The following CPAMD8 variants were observed in gnomAD, a reference collection of about 807,000 sequenced individuals.
CPAMD8 encodes C3 and PZP-like alpha-2-macroglobulin domain-containing protein 8.
A neutral mutation model predicts 224.7 loss-of-function variants in CPAMD8; 146 were observed. The observed-to-expected ratio is 0.65, with a 90% CI of 0.57 to 0.75. CPAMD8 has a LOEUF of 0.75. CPAMD8 is among the 30% of genes least tolerant of loss of function. CPAMD8 has a pLI of 0.00. For missense variants in CPAMD8, 2,301 were observed against 2,537.5 expected (o/e 0.91, Z 2.00); for synonymous variants, 966 against 1,044.6 (o/e 0.92, Z 1.45).
chr19:17,018,089 T>C (rs1342630719), intron 3 of CPAMD8, among the ~76,000 whole-genome samples: 1 of 150,656 alleles, frequency 6.6e-6, no homozygotes, highest in Non-Finnish European at 1.5e-5. Flanking sequence ...TAGGCACTAG[T>C]GGTATACCTC....
chr19:16,961,202 G>A (rs1219586294), intron 18 of CPAMD8, among the ~76,000 whole-genome samples: 1 of 152,224 alleles, frequency 6.6e-6, no homozygotes, highest in African/African-American at 2.4e-5. Flanking sequence ...AGCCGCAGTA[G>A]GGCGGGGTGT....
At chr19:16,962,989 T>A (rs961258469) in intron 18 of CPAMD8, among the ~76,000 whole-genome samples, 2 of 152,152 alleles carry the variant, frequency 1.3e-5, no homozygotes, top group African/African-American at 4.8e-5. Flanking sequence ...GACAAGCAAA[T>A]GCTGAGAGAT....
At chr19:16,911,424 C>T (rs974184370) in intron 29 of CPAMD8, among the ~76,000 whole-genome samples, 8 of 151,636 alleles carry the variant, frequency 5.3e-5, no homozygotes, top group South Asian at 2.1e-4. Flanking sequence ...TGCAGTGGCA[C>T]GAGCTTGGCT....
rs780228887 is a variant in CPAMD8 at position 16,904,291 on chromosome 19, C to T, written c.4186G>A (p.Ala1396Thr). 23 of 1,612,784 alleles carry T rather than the reference C, an allele frequency of 1.4e-5. No homozygotes were observed. The highest frequency in any genetic ancestry group is 1.6e-4 in the Middle Eastern group (1 of 6,082). Residue 1396 changes from alanine to threonine, a missense_variant, in exon 32 of 42, where the codon GCC becomes ACC. Ala to Thr is a moderately conservative substitution (Grantham distance 58, BLOSUM62 0). Coordinates refer to ENST00000443236, the MANE Select transcript of CPAMD8 (RefSeq NM_015692.5). ...GACAGCCACTTCACCACAGGCAGGG[C>T]GGCAGCCACGTCACCCAGCAGAGTG... ...TYTLLGDVAA[A>T]LPVVKWLSQQ...
chr19:16,915,501 A>C (rs777368612), intron 27 of CPAMD8, among the ~76,000 whole-genome samples: 3 of 152,184 alleles, frequency 2.0e-5, no homozygotes, highest in Non-Finnish European at 2.9e-5. Flanking sequence ...ATTGCTCTCC[A>C]GCCCGTTTTC....
Position 16,945,866 on chromosome 19 carries a change from T to C in CPAMD8, c.2663-187A>G, listed in dbSNP as rs8105356. On this transcript the variant is annotated intron_variant, in intron 21 of 41. Coordinates refer to ENST00000443236, the MANE Select transcript of CPAMD8 (RefSeq NM_015692.5). ...CTGCACATGTATGCATGTGTTTGAATGTACAGGCTCATGTGTGCATATGCA... is the reference window on the plus strand; with the variant it reads ...CTGCACATGTATGCATGTGTTTGAACGTACAGGCTCATGTGTGCATATGCA... 0.47 allele frequency among the ~76,000 whole-genome samples: 71,853 copies of C among 151,958 alleles called. 17,710 individuals carry two copies. Among genetic ancestry groups the C allele is most frequent in the African/African-American group, 0.61 (25,451 of 41,394 alleles).
intron 22 of CPAMD8, among the ~76,000 whole-genome samples, chr19:16,943,414 C>A (rs1017735876): frequency 6.6e-6 from 1 of 151,230 alleles, no homozygotes; most frequent in African/African-American, 2.4e-5. Context: ...TTCATTCATT[C>A]ATTCATTTAG....
intron 18 of CPAMD8, among the ~76,000 whole-genome samples, chr19:16,967,008 T>C (rs2054849740): frequency 6.6e-6 from 1 of 152,168 alleles, no homozygotes; most frequent in African/African-American, 2.4e-5. Flanking sequence ...CAAAGGATTA[T>C]AAATTATGCT....
intron 5 of CPAMD8, among the ~76,000 whole-genome samples, chr19:17,010,084 A>G (rs1441885085): frequency 6.6e-6 from 1 of 152,240 alleles, no homozygotes; most frequent in Non-Finnish European, 1.5e-5. Flanking sequence ...ACCAAGAGAC[A>G]TGATGATCAA....
chr19:16,956,171 C>A (rs1468004338), intron 19 of CPAMD8, among the ~76,000 whole-genome samples: 1 of 152,132 alleles, frequency 6.6e-6, no homozygotes, highest in Non-Finnish European at 1.5e-5. Context: ...ACCCCCACAG[C>A]CCACATGGTC....
chr19:16,903,687 C>A lies in CPAMD8; in HGVS notation c.4407+15G>T. On this transcript the variant is annotated intron_variant, in intron 33 of 41. Coordinates refer to ENST00000443236, the MANE Select transcript of CPAMD8 (RefSeq NM_015692.5). ...CCTCCAACAACCCCCAAACCCTCAT[C>A]CCAGGAACACGCACCGCTGCTGTCT... 6.2e-7 allele frequency: 1 copy of A among 1,614,048 alleles called. No individual in the cohort carries two copies. The highest frequency in any genetic ancestry group is 1.1e-5 in the South Asian group (1 of 91,070).
chr19:16,956,956 A>G (rs1173504507), intron 19 of CPAMD8, among the ~76,000 whole-genome samples: 1 of 152,156 alleles, frequency 6.6e-6, no homozygotes, highest in Admixed American at 6.5e-5. Flanking sequence ...ATGAGCTACC[A>G]TGCCCAGCCC....
At chr19:16,939,460 C>T (rs912610818) in intron 22 of CPAMD8, among the ~76,000 whole-genome samples, 1 of 152,080 alleles carries the variant, frequency 6.6e-6, no homozygotes, top group Non-Finnish European at 1.5e-5. Flanking sequence ...CCGCCTGCCT[C>T]GGCCTCCGAA....
chr19:16,982,619 G>A (rs1364151301), intron 13 of CPAMD8, among the ~76,000 whole-genome samples: 1 of 151,930 alleles, frequency 6.6e-6, no homozygotes, highest in African/African-American at 2.4e-5. Context: ...CAGATTGCTT[G>A]AGTTCAGGAG....
chr19:16,906,404 T>TTCTTTCTTTCTC (rs1568459895), intron 30 of CPAMD8, among the ~76,000 whole-genome samples: 7 of 83,966 alleles, frequency 8.3e-5, no homozygotes, highest in African/African-American at 3.3e-4. Flanking sequence ...CTTTCTTTCT[T>TTCTTTCTTTCTC]TCTTTCCTTC....
At chr19:17,013,512 A>AAAAATGAAATAAAATAAAATAAAAT (rs2056721192) in intron 3 of CPAMD8, 1 of 129,458 alleles carries the variant, frequency 7.7e-6, no homozygotes, top group Admixed American at 8.3e-5. Context: ...CTCCGCCTCA[A>AAAAATGAAATAAAATAAAATAAAAT]AAAATAAAAT....
At chr19:16,958,404 G>A (rs1005047346) in intron 18 of CPAMD8, among the ~76,000 whole-genome samples, 1 of 152,176 alleles carries the variant, frequency 6.6e-6, no homozygotes, top group Non-Finnish European at 1.5e-5. Context: ...AGTTTGCTAA[G>A]GATAATGGGC....
chr19:17,013,089 G>A (rs1251138148), intron 3 of CPAMD8, among the ~76,000 whole-genome samples: 1 of 152,008 alleles, frequency 6.6e-6, no homozygotes, highest in African/African-American at 2.4e-5. Context: ...GCTGAGGCAG[G>A]AGAATTGCTT....
chr19:16,924,803 T>G (rs2053299664), intron 26 of CPAMD8, among the ~76,000 whole-genome samples: 1 of 152,200 alleles, frequency 6.6e-6, no homozygotes, highest in South Asian at 2.1e-4. Context: ...CAGGCTTGTC[T>G]CAAACTCCTG....
Sources: gnomAD v4.1 joint callset for allele counts (sites outside exome capture counted in the v4.1 genomes callset) on GRCh38, gnomAD v4.1.1 for gene constraint, MANE v1.5 for transcripts, NCBI Gene and HGNC (gene_info 2026-07-23, HGNC 2026-07-21) for gene names.